The following LEMD1 variants were observed in gnomAD, a reference collection of about 807,000 sequenced individuals.
The protein encoded by LEMD1 is LEM domain-containing protein 1.
Under a neutral mutation model 17.4 loss-of-function variants are expected in LEMD1, and 18 were observed. The ratio of observed to expected loss-of-function variants is 1.04; its 90% CI spans 0.72 to 1.54. The LOEUF is 1.54. Ranked by LOEUF, LEMD1 falls within the 40% of genes most tolerant of loss-of-function variation. The pLI, the probability that LEMD1 is intolerant of heterozygous loss-of-function variation, is 0.00. For synonymous variants in LEMD1, 88 were observed against 77.8 expected, an observed-to-expected ratio of 1.13 and a Z score of -0.69; for missense variants, 195 against 210.4, an observed-to-expected ratio of 0.93 and a Z score of 0.45.
chr1:205,399,408 GATGT>G (rs1664735982), intron 4 of LEMD1, among the ~76,000 whole-genome samples: 1 of 152,152 alleles, frequency 6.6e-6, no homozygotes, highest in African/African-American at 2.4e-5. Flanking sequence ...TAAAAATAGA[GATGT>G]ATGTGTGTAT....
intron 4 of LEMD1, among the ~76,000 whole-genome samples, chr1:205,395,635 A>C (rs951622910): frequency 2.0e-5 from 3 of 152,066 alleles, no homozygotes; most frequent in African/African-American, 7.2e-5. Flanking sequence ...AAATTGCTTC[A>C]AAATAAAAAC....
intron 4 of LEMD1, among the ~76,000 whole-genome samples, chr1:205,394,694 ATTTAT>A (rs1307043443): frequency 6.6e-6 from 1 of 151,664 alleles, no homozygotes; most frequent in Non-Finnish European, 1.5e-5. Context: ...CTATTGATTT[ATTTAT>A]TTTATTTTGA....
chr1:205,416,356 A>G, intron 3 of LEMD1, 60 bp from the exon 4 acceptor site: 2 of 1,196,996 alleles, frequency 1.7e-6, no homozygotes, highest in Non-Finnish European at 2.4e-6. Flanking sequence ...AGCAAAGGGA[A>G]TAAACATCAA....
chr1:205,426,985 G>C (rs1178509415), upstream of LEMD1, among the ~76,000 whole-genome samples: 1 of 152,120 alleles, frequency 6.6e-6, no homozygotes, highest in East Asian at 1.9e-4. Flanking sequence ...TTGATTACCA[G>C]AGTCACCAAC....
chr1:205,444,980 C>T (rs1460075123), intron 1 of LEMD1, among the ~76,000 whole-genome samples: 6 of 151,964 alleles, frequency 3.9e-5, no homozygotes, highest in Admixed American at 2.0e-4. Flanking sequence ...CTGAGCCCTC[C>T]GCCCCCTCCC....
intron 3 of LEMD1, among the ~76,000 whole-genome samples, chr1:205,418,485 C>T (rs939865671): frequency 2.0e-5 from 3 of 152,134 alleles, no homozygotes; most frequent in Admixed American, 2.0e-4. Flanking sequence ...GGAGGGCAGT[C>T]AGCATAGGAG....
At chr1:205,427,806 C>G (rs1666077016) in intron 1 of LEMD1, among the ~76,000 whole-genome samples, 1 of 152,226 alleles carries the variant, frequency 6.6e-6, no homozygotes, top group Admixed American at 6.5e-5. Context: ...TGGAAACTCT[C>G]ATGGCTGATA....
rs928909176 is a variant in LEMD1, at chr1:205,400,347, T to C, written c.270+15885A>G. ...TGTTGGGATTACAGGCGTGAGCCAC[T>C]ATGCCTGGCCAAGAAGCCTGACAAA... On this transcript the variant is annotated intron_variant, in intron 4 of 5. Coordinates refer to ENST00000367153, the MANE Select transcript of LEMD1 (RefSeq NM_001199050.2). Among the ~76,000 whole-genome samples, 6 of 152,316 alleles carry C rather than the reference T, an allele frequency of 3.9e-5. 1 individual carries two copies. In the South Asian group the frequency reaches 1.0e-3, roughly 26 times the overall value.
chr1:205,386,184 G>T (rs974834294), intron 4 of LEMD1: 1 of 152,928 alleles, frequency 6.5e-6, no homozygotes. Flanking sequence ...AGCGCAGGGT[G>T]GGGTGGGGAG....
chr1:205,417,193 G>A (rs1161167457), intron 3 of LEMD1, among the ~76,000 whole-genome samples: 1 of 152,220 alleles, frequency 6.6e-6, no homozygotes, highest in Non-Finnish European at 1.5e-5. Context: ...CCACAGAATT[G>A]CATTACAAGG....
intron 4 of LEMD1, among the ~76,000 whole-genome samples, chr1:205,401,988 G>A (rs1245838417): frequency 6.6e-6 from 1 of 152,028 alleles, no homozygotes; most frequent in African/African-American, 2.4e-5. Flanking sequence ...GTTTTTCTCA[G>A]GTTTGTCAAA....
intron 4 of LEMD1, among the ~76,000 whole-genome samples, chr1:205,389,141 C>T (rs545889530): frequency 5.7e-4 from 85 of 148,698 alleles, no homozygotes; most frequent in African/African-American, 2.0e-3. Flanking sequence ...CTCCGCTTCC[C>T]GGGTTCAAGC....
In LEMD1 at chr1:205,408,080, G is replaced by C. The variant is rs577045666; in HGVS notation, c.270+8152C>G. Among the ~76,000 whole-genome samples, 4 of 152,306 alleles carry C rather than the reference G, an allele frequency of 2.6e-5. No individual in the cohort carries two copies. The South Asian group carries it at 8.3e-4, about 32-fold the overall frequency. On this transcript the variant is annotated intron_variant, in intron 4 of 5. Coordinates refer to ENST00000367153, the MANE Select transcript of LEMD1 (RefSeq NM_001199050.2). ...AGAAGGAAGAGATGACAACTAAAGA[G>C]AGCGTGTGTTCCTGGAGTGGTTGTG...
upstream of LEMD1, among the ~76,000 whole-genome samples, chr1:205,424,586 A>G (rs1353660283): frequency 6.6e-6 from 1 of 152,208 alleles, no homozygotes; most frequent in East Asian, 1.9e-4. Flanking sequence ...AAAATAAGAT[A>G]AAGAGTGAAA....
intron 4 of LEMD1, among the ~76,000 whole-genome samples, chr1:205,408,247 G>A (rs1665215638): frequency 1.3e-5 from 2 of 152,038 alleles, no homozygotes; most frequent in South Asian, 4.2e-4. Flanking sequence ...TCCTTTGGTA[G>A]GCAGAATACT....
chr1:205,441,219 T>C lies in LEMD1; in HGVS notation c.-39+8649A>G, dbSNP rs1172598508. Among the ~76,000 whole-genome samples, 2 of 150,568 alleles carry C rather than the reference T, an allele frequency of 1.3e-5. No individual in the cohort carries two copies. Among genetic ancestry groups the C allele is most frequent in the Non-Finnish European group, 3.0e-5 (2 of 67,644 alleles). The stretch of plus-strand genomic sequence containing the variant: ...TCTCTCACACCGGCTGGGGGAGGAG[T>C]CAAGCCTCTAAACAACAGCTCTTTG... On this transcript the variant is annotated intron_variant, in intron 1 of 3. Transcript: ENST00000367154. The surrounding 1 kb of genome is among the most constrained non-coding windows in gnomAD (Gnocchi z 4.3).
At chr1:205,399,646 A>G (rs998834253) in intron 4 of LEMD1, among the ~76,000 whole-genome samples, 1 of 152,288 alleles carries the variant, frequency 6.6e-6, no homozygotes, top group African/African-American at 2.4e-5. Context: ...AAGTGCTCAA[A>G]TAATGATGAG....
intron 4 of LEMD1, among the ~76,000 whole-genome samples, chr1:205,411,099 A>T (rs1665377611): frequency 6.8e-6 from 1 of 148,138 alleles, no homozygotes; most frequent in African/African-American, 2.5e-5. Flanking sequence ...GAAGAAAGAA[A>T]AAAGAAAGAA....
intron 5 of LEMD1, among the ~76,000 whole-genome samples, chr1:205,383,987 G>C (rs1459045637): frequency 6.7e-6 from 1 of 148,364 alleles, no homozygotes; most frequent in Admixed American, 6.8e-5. Flanking sequence ...CACCTTCCAA[G>C]GCACAAATAG....
Sources: gnomAD v4.1 joint callset for allele counts (sites outside exome capture counted in the v4.1 genomes callset) on GRCh38, gnomAD v4.1.1 for gene constraint, Gnocchi (gnomAD v3.1) non-coding constraint, MANE v1.5 for transcripts, NCBI Gene and HGNC (gene_info 2026-07-23, HGNC 2026-07-21) for gene names.